The following HMGCLL1 variants were observed in gnomAD, a reference collection of about 807,000 sequenced individuals.
HMGCLL1 encodes the protein 3-hydroxymethyl-3-methylglutaryl-CoA lyase, cytoplasmic.
A neutral mutation model predicts 39.1 loss-of-function variants in HMGCLL1; 36 were observed. The observed-to-expected ratio is 0.92, with a 90% CI of 0.71 to 1.22. HMGCLL1 has a LOEUF of 1.22. HMGCLL1 is among the 50% of genes most tolerant of loss of function. HMGCLL1 has a pLI of 0.00. For missense variants in HMGCLL1, 451 were observed against 416.5 expected (o/e 1.08, Z -0.72); for synonymous variants, 149 against 144.0 (o/e 1.03, Z -0.25).
At chr6:55,655,536 G>GTAGGTAGA in the HMGCLL1 span, among the ~76,000 whole-genome samples, 1 of 147,620 alleles carries the variant, frequency 6.8e-6, no homozygotes, top group Admixed American at 6.8e-5. Context: ...AGTTATATTG[G>GTAGGTAGA]TAGATAGATA....
intron 7 of HMGCLL1, among the ~76,000 whole-genome samples, chr6:55,491,747 G>A (rs912188283): frequency 5.9e-5 from 9 of 152,002 alleles, no homozygotes; most frequent in African/African-American, 1.4e-4. Flanking sequence ...CGTTTCTTCC[G>A]TTACTAAAAT....
the HMGCLL1 span, among the ~76,000 whole-genome samples, chr6:55,615,869 G>A: frequency 6.6e-6 from 1 of 152,080 alleles, no homozygotes; most frequent in African/African-American, 2.4e-5. Context: ...AGGCAAAGAT[G>A]AGTGTAGAGT....
intron 1 of HMGCLL1, among the ~76,000 whole-genome samples, chr6:55,573,350 G>A (rs1006213689): frequency 7.9e-5 from 12 of 152,016 alleles, no homozygotes; most frequent in African/African-American, 2.4e-4. Flanking sequence ...AAATTTCGTA[G>A]GCATACCAGG....
chr6:55,647,745 C>CTTTTTTTTTTTTATTTTTTTTTT, the HMGCLL1 span, among the ~76,000 whole-genome samples: 1 of 115,858 alleles, frequency 8.6e-6, no homozygotes, highest in Non-Finnish European at 1.8e-5. Flanking sequence ...TTTTTTTTTC[C>CTTTTTTTTTTTTATTTTTTTTTT]TTTTTTTTTT....
chr6:55,641,610 G>C, the HMGCLL1 span, among the ~76,000 whole-genome samples: 6 of 151,786 alleles, frequency 4.0e-5, no homozygotes, highest in Non-Finnish European at 8.8e-5. Context: ...AAAACAGTAG[G>C]GAAAACACAA....
the HMGCLL1 span, among the ~76,000 whole-genome samples, chr6:55,677,464 T>C: frequency 6.6e-6 from 1 of 152,332 alleles, no homozygotes; most frequent in African/African-American, 2.4e-5. Context: ...TTTACTTCAT[T>C]ACAATTTACA....
chr6:55,564,528 G>A (rs1466072872), intron 1 of HMGCLL1, among the ~76,000 whole-genome samples: 1 of 151,852 alleles, frequency 6.6e-6, no homozygotes, highest in Non-Finnish European at 1.5e-5. Flanking sequence ...GGCTTCAGAT[G>A]GTCTCTTATA....
chr6:55,591,370 G>T, the HMGCLL1 span, among the ~76,000 whole-genome samples: 34 of 151,920 alleles, frequency 2.2e-4, no homozygotes, highest in East Asian at 5.4e-3. Context: ...TTCTTCTAGG[G>T]TTTAAACTTT....
the HMGCLL1 span, among the ~76,000 whole-genome samples, chr6:55,593,866 C>G: frequency 6.6e-6 from 1 of 152,092 alleles, no homozygotes; most frequent in East Asian, 1.9e-4. Context: ...AGTGAAAAAT[C>G]AGAACCACGG....
the HMGCLL1 span, among the ~76,000 whole-genome samples, chr6:55,669,932 G>A: frequency 6.6e-6 from 1 of 151,818 alleles, no homozygotes; most frequent in African/African-American, 2.4e-5. Context: ...GTTTAAAAAT[G>A]TGAAAAAGTA....
intron 1 of HMGCLL1, among the ~76,000 whole-genome samples, chr6:55,577,671 AG>A (rs1225411031): frequency 6.6e-6 from 1 of 152,228 alleles, no homozygotes; most frequent in African/African-American, 2.4e-5. Context: ...TCACTCAAAA[AG>A]AAAAATCATA....
chr6:55,545,481 G>A (rs1189873873), intron 1 of HMGCLL1, among the ~76,000 whole-genome samples: 4 of 152,046 alleles, frequency 2.6e-5, no homozygotes, highest in Non-Finnish European at 5.9e-5. Flanking sequence ...TAGACTATCT[G>A]AATTAAGCCA....
At chr6:55,620,198 G>A in the HMGCLL1 span, among the ~76,000 whole-genome samples, 1 of 151,846 alleles carries the variant, frequency 6.6e-6, no homozygotes, top group South Asian at 2.1e-4. Flanking sequence ...TTTCTCTTTT[G>A]GCAATATACC....
At chr6:55,618,110 T>C in the HMGCLL1 span, among the ~76,000 whole-genome samples, 1 of 152,028 alleles carries the variant, frequency 6.6e-6, no homozygotes, top group African/African-American at 2.4e-5. Context: ...GATGAAACTA[T>C]AATATAGTGT....
intron 3 of HMGCLL1, among the ~76,000 whole-genome samples, chr6:55,522,019 C>T (rs997099741): frequency 5.3e-5 from 8 of 151,896 alleles, no homozygotes; most frequent in Admixed American, 3.9e-4. Context: ...ATTGCTGAAA[C>T]GGAGAAAGTT....
intron 7 of HMGCLL1, among the ~76,000 whole-genome samples, chr6:55,446,201 A>T (rs546377509): frequency 2.3e-4 from 35 of 150,796 alleles, no homozygotes; most frequent in African/African-American, 8.5e-4. Context: ...ATTAGTGCTC[A>T]GGGAACCAAT....
chr6:55,452,714 AT>A (rs1450962492), intron 7 of HMGCLL1, among the ~76,000 whole-genome samples: 1 of 152,144 alleles, frequency 6.6e-6, no homozygotes, highest in African/African-American at 2.4e-5. Flanking sequence ...TGTGTGCATA[AT>A]TTCTCCAAGA....
At chr6:55,481,813 T>TACCTAC (rs78310872) in intron 7 of HMGCLL1, among the ~76,000 whole-genome samples, 35 of 152,130 alleles carry the variant, frequency 2.3e-4, no homozygotes, top group South Asian at 4.1e-4. Context: ...TACCTACCTA[T>TACCTAC]CTACCTACCT....
the HMGCLL1 span, among the ~76,000 whole-genome samples, chr6:55,647,422 C>A: frequency 6.6e-6 from 1 of 151,878 alleles, no homozygotes; most frequent in Non-Finnish European, 1.5e-5. Flanking sequence ...TAGGGACTTA[C>A]TCTTACAATT....
Sources: gnomAD v4.1 joint callset for allele counts (sites outside exome capture counted in the v4.1 genomes callset) on GRCh38, gnomAD v4.1.1 for gene constraint, MANE v1.5 for transcripts, NCBI Gene and HGNC (gene_info 2026-07-23, HGNC 2026-07-21) for gene names.